The following RALGDS variants were observed in gnomAD, a reference collection of about 807,000 sequenced individuals.
RALGDS encodes ral guanine nucleotide exchange factor.
Under a neutral mutation model 99.8 loss-of-function variants are expected in RALGDS, and 44 were observed. That is an observed-to-expected ratio of 0.44 (90% CI 0.35 to 0.57). The LOEUF is 0.57. Ranked by LOEUF, RALGDS falls within the 20% of genes least tolerant of loss-of-function variation. The pLI is 0.01. For missense variants in RALGDS, 1,022 were observed against 1,203.1 expected (o/e 0.85, Z 2.23); for synonymous variants, 529 against 505.0 (o/e 1.05, Z -0.64).
chr9:133,102,198 GCCCC>G, intron 14 of RALGDS, 59 bp from the exon 15 acceptor site: 1 of 1,508,656 alleles, frequency 6.6e-7, no homozygotes, highest in Non-Finnish European at 9.0e-7. Flanking sequence ...CAACCCCACA[GCCCC>G]TGCACCCTGC....
upstream of RALGDS, among the ~76,000 whole-genome samples, chr9:133,134,149 G>A (rs965012650): frequency 6.6e-6 from 1 of 152,180 alleles, no homozygotes; most frequent in Non-Finnish European, 1.5e-5. Flanking sequence ...AGGCCCAGCC[G>A]GCTCTGCTAG....
intron 9 of RALGDS, 195 bp from the exon 10 acceptor site, chr9:133,104,526 C>CTGCTGCATGGTGCGGTGGCTCACGCCT: frequency 1.6e-6 from 1 of 609,702 alleles, no homozygotes; most frequent in Non-Finnish European, 3.0e-6. Flanking sequence ...AGAACTCCGC[C>CTGCTGCATGGTGCGGTGGCTCACGCCT]TGCTGCATGG....
intron 1 of RALGDS, among the ~76,000 whole-genome samples, chr9:133,142,998 C>T (rs1009340918): frequency 2.6e-5 from 4 of 152,248 alleles, no homozygotes; most frequent in Admixed American, 2.0e-4. Flanking sequence ...AGTTTCCCCA[C>T]CTGGAAGTGA....
Position 133,121,195 on chromosome 9 carries a change from G to GC in RALGDS, c.-42_-41insG. 1.1e-6 allele frequency: 1 copy of GC among 884,054 alleles called. No individual in the cohort carries two copies. Among genetic ancestry groups the GC allele is most frequent in the Non-Finnish European group, 1.3e-6 (1 of 740,740 alleles). The allele number at this position is 884,054 out of a possible 1,614,324, so 54.8% of individuals were successfully genotyped here. On this transcript the variant is annotated 5_prime_UTR_variant, in exon 1 of 18. Coordinates refer to ENST00000372050, the MANE Select transcript of RALGDS (RefSeq NM_006266.4). The stretch of plus-strand genomic sequence containing the variant: ...CGGGCGCGGGGCCGGCCCGGCGCGC[G>GC]GCGGGGGCGGCGGCGCGGCCCGCGC...
At chr9:133,118,772 C>A (rs143224667) in intron 1 of RALGDS, among the ~76,000 whole-genome samples, 266 of 152,306 alleles carry the variant, frequency 1.7e-3, no homozygotes, top group African/African-American at 6.2e-3. Flanking sequence ...CCTGGTGGCT[C>A]CTGCACACAG....
intron 1 of RALGDS, among the ~76,000 whole-genome samples, chr9:133,127,668 G>GC: frequency 6.6e-6 from 1 of 152,348 alleles, no homozygotes; most frequent in African/African-American, 2.4e-5. Context: ...GCCTGGCTCA[G>GC]CCCCACCTCC....
intron 11 of RALGDS, 140 bp downstream of exon 11, chr9:133,103,607 G>T: frequency 1.1e-6 from 1 of 925,746 alleles, no homozygotes; most frequent in Middle Eastern, 2.2e-4. Flanking sequence ...GCAGCTCTGT[G>T]TTTGGGCAGC....
In RALGDS at chr9:133,127,135, G is replaced by C. The variant is rs140175580; in HGVS notation, c.132+3817C>G. ...TCCTTGGCCAGTACATCCTTGGCCG[G>C]TACCTGAGAGGCAGATCATAAAAGC... On this transcript the variant is annotated intron_variant, in intron 1 of 17. Coordinates refer to the RALGDS transcript ENST00000372062. 6.1e-3 allele frequency among the ~76,000 whole-genome samples: 923 copies of C among 152,358 alleles called. 11 individuals are homozygous for C. Among genetic ancestry groups the C allele is most frequent in the African/African-American group, 0.021 (857 of 41,588 alleles).
chr9:133,099,553 A>G (rs766910289), intron 17 of RALGDS: 1 of 153,216 alleles, frequency 6.5e-6, no homozygotes, highest in Non-Finnish European at 1.5e-5. Context: ...TATGGTGCAC[A>G]TAGATGCTTT....
At chr9:133,143,889 C>T (rs1238825730) in intron 1 of RALGDS, among the ~76,000 whole-genome samples, 1 of 151,292 alleles carries the variant, frequency 6.6e-6, no homozygotes, top group African/African-American at 2.4e-5. Flanking sequence ...CGCTCCCTTT[C>T]GCTGATGCCA....
Position 133,100,284 on chromosome 9 carries a change from A to C in RALGDS, c.2553T>G (p.Ile851Met). The C allele has an allele frequency of 6.2e-7, 1 of 1,614,186 alleles. No homozygotes were observed. Among genetic ancestry groups the C allele is most frequent in the South Asian group, 1.1e-5 (1 of 91,088 alleles). ...CTGACTTACTCCGGTCATCTGAGAG[A>C]ATCTGCAGCAGCTCATAGTCCTCCG... ...EEPEDYELLQILSDDRKLKIP... is the reference protein window; with the variant it reads ...EEPEDYELLQMLSDDRKLKIP... The change falls in exon 17 of 18, where the codon ATT (isoleucine) becomes ATG (methionine). Residue 851 changes from isoleucine (I) to methionine (M), a missense_variant. This residue lies in a region of RALGDS where 825 missense variants were observed against 994.5 expected (regional missense o/e 0.83). Transcript: ENST00000372050.
Position 133,098,349 on chromosome 9 carries a change from T to C in RALGDS, c.*238A>G, listed in dbSNP as rs544468825. 297 of 563,116 alleles carry C rather than the reference T, an allele frequency of 5.3e-4. 1 individual carries two copies. Among genetic ancestry groups the C allele is most frequent in the African/African-American group, 5.0e-3 (269 of 53,456 alleles). The allele number at this position is 563,116 out of a possible 1,614,324, so 34.9% of individuals were successfully genotyped here. A position where few individuals can be genotyped will look rare whatever the true frequency, so the allele number is the denominator to read the frequency against. On this transcript the variant is annotated 3_prime_UTR_variant, in exon 18 of 18. Coordinates refer to ENST00000372050, the MANE Select transcript of RALGDS (RefSeq NM_006266.4). ...CGTTGGCACTGCTCCTTGGCAAAAG[T>C]CAGCTAGTCCTCTGGTTCCAGAGAG...
At chr9:133,111,312 A>G (rs1267350169) in intron 2 of RALGDS, among the ~76,000 whole-genome samples, 1 of 152,162 alleles carries the variant, frequency 6.6e-6, no homozygotes, top group Non-Finnish European at 1.5e-5. Context: ...TTTTGTTTTG[A>G]GACAGTCACC....
intron 1 of RALGDS, among the ~76,000 whole-genome samples, chr9:133,137,041 C>G (rs992261017): frequency 2.0e-5 from 3 of 152,176 alleles, no homozygotes; most frequent in Non-Finnish European, 4.4e-5. Flanking sequence ...TTGAGACCAG[C>G]CTGGCCAACA....
At chr9:133,113,364 G>A (rs145651634) in intron 1 of RALGDS, among the ~76,000 whole-genome samples, 3 of 152,238 alleles carry the variant, frequency 2.0e-5, no homozygotes, top group Non-Finnish European at 4.4e-5. Context: ...TGCCTCCTGC[G>A]CACCCTCAGA....
At chr9:133,124,061 C>T (rs1832065623), upstream of RALGDS, among the ~76,000 whole-genome samples, 1 of 124,444 alleles carries the variant, frequency 8.0e-6, no homozygotes, top group Admixed American at 8.2e-5. Context: ...GACAGAGACA[C>T]AGACACACAC....
Position 133,098,376 on chromosome 9 carries a change from A to G in RALGDS, c.*211T>C. The G allele has an allele frequency of 1.7e-6, 1 of 597,938 alleles. No individual in the cohort carries two copies. Among genetic ancestry groups the G allele is most frequent in the South Asian group, 1.9e-5 (1 of 51,286 alleles). The allele number at this position is 597,938 out of a possible 1,614,324, so 37.0% of individuals were successfully genotyped here. A position where few individuals can be genotyped will look rare whatever the true frequency, so the allele number is the denominator to read the frequency against. On this transcript the variant is annotated 3_prime_UTR_variant, in exon 18 of 18. Transcript: ENST00000372050. Reference sequence around the variant, plus strand: ...AGCTAGTCCTCTGGTTCCAGAGAGCAGAAGGCACCTAAGGCAGCGAGTGGT... The same window carrying G: ...AGCTAGTCCTCTGGTTCCAGAGAGCGGAAGGCACCTAAGGCAGCGAGTGGT...
In RALGDS at chr9:133,127,020, C is replaced by T. The variant is rs1487943666; in HGVS notation, c.132+3932G>A. Among the ~76,000 whole-genome samples, 4 of 152,232 alleles carry T rather than the reference C, an allele frequency of 2.6e-5. No homozygotes were observed. The East Asian group carries it at 5.8e-4, about 22-fold the overall frequency. ...ACTGGCTTGGTGTGGCCCCAGCTCC[C>T]CACTCCAGGTTCCCTCTCAGCAGAA... On this transcript the variant is annotated intron_variant, in intron 1 of 17. Transcript: ENST00000372062.
chr9:133,103,027 A>T, intron 12 of RALGDS, 127 bp from the exon 13 acceptor site: 1 of 1,467,748 alleles, frequency 6.8e-7, no homozygotes, highest in Non-Finnish European at 9.3e-7. Context: ...CTGTTCTCAA[A>T]GTTGGGCTCA....
Sources: gnomAD v4.1 joint callset for allele counts (sites outside exome capture counted in the v4.1 genomes callset) on GRCh38, gnomAD v4.1.1 for gene constraint, gnomAD v4.1.1 regional missense constraint, MANE v1.5 for transcripts, NCBI Gene and HGNC (gene_info 2026-07-23, HGNC 2026-07-21) for gene names.